Variants in MTA3 observed in about 807,000 individuals in gnomAD.
MTA3 encodes metastasis-associated protein MTA3.
In MTA3, 34 loss-of-function variants were observed where a neutral mutation model predicts 83.5. The ratio of observed to expected loss-of-function variants is 0.41; its 90% CI spans 0.31 to 0.54. The LOEUF (loss-of-function observed/expected upper bound fraction) is 0.54. Ranked by LOEUF, MTA3 falls within the 20% of genes least tolerant of loss-of-function variation. The pLI, the probability that MTA3 is intolerant of heterozygous loss-of-function variation, is 0.33. For synonymous variants in MTA3, 303 were observed against 252.7 expected, an observed-to-expected ratio of 1.20 and a Z score of -1.89; for missense variants, 761 against 726.4, an observed-to-expected ratio of 1.05 and a Z score of -0.55.
intron 2 of MTA3, among the ~76,000 whole-genome samples, chr2:42,574,424 C>A (rs757268430): frequency 6.6e-5 from 10 of 151,864 alleles, no homozygotes; most frequent in Non-Finnish European, 1.0e-4. Context: ...CCATGCCCGG[C>A]CTCCTTTTCT....
At chr2:42,697,540 T>A (rs1693497045) in intron 10 of MTA3, among the ~76,000 whole-genome samples, 1 of 152,208 alleles carries the variant, frequency 6.6e-6, no homozygotes, top group Non-Finnish European at 1.5e-5. Context: ...CTCATTGCTT[T>A]ATTTTTTTAA....
At chr2:42,596,611 T>C (rs1488161294) in intron 3 of MTA3, among the ~76,000 whole-genome samples, 1 of 152,206 alleles carries the variant, frequency 6.6e-6, no homozygotes, top group Non-Finnish European at 1.5e-5. Flanking sequence ...TTATATTTTT[T>C]GTGAACAAAG....
At chr2:42,633,711 GA>G (rs1390073059) in intron 4 of MTA3, among the ~76,000 whole-genome samples, 1 of 152,056 alleles carries the variant, frequency 6.6e-6, no homozygotes, top group Non-Finnish European at 1.5e-5. Flanking sequence ...CTAACACAGT[GA>G]AACCCCGTCT....
chr2:42,754,909 T>A lies in MTA3; in HGVS notation c.*1510T>A. ...GGGCGGTTTTGCAGACATCTCAGCT[T>A]CTTTTCTGAGGAGGAGTTGGTTCTC... is the stretch of plus-strand genomic sequence containing the variant. On this transcript the variant is annotated 3_prime_UTR_variant, in exon 17 of 17. Coordinates refer to ENST00000405094, the MANE Select transcript of MTA3 (RefSeq NM_001330442.2). 3.0e-6 allele frequency: 3 copies of A among 985,584 alleles called. No homozygotes were observed. Among genetic ancestry groups the A allele is most frequent in the Non-Finnish European group, 3.6e-6 (3 of 830,074 alleles). The allele number at this position is 985,584 out of a possible 1,614,324, so 61.1% of individuals were successfully genotyped here.
At chr2:42,548,815 A>ATATATATATATATAT (rs1676886736) in intron 2 of MTA3, among the ~76,000 whole-genome samples, 1 of 40,736 alleles carries the variant, frequency 2.5e-5, no homozygotes, top group South Asian at 1.0e-3. Context: ...AAAAAAATAT[A>ATATATATATATATAT]TATATATATA....
Position 42,754,382 on chromosome 2 carries a change from C to T in MTA3, c.*983C>T, listed in dbSNP as rs1014588026. 202 of 985,462 alleles carry T rather than the reference C, an allele frequency of 2.0e-4. 1 individual carries two copies. Among genetic ancestry groups the T allele is most frequent in the Middle Eastern group, 1.0e-3 (2 of 1,936 alleles). 61.0% of individuals were successfully genotyped at this position (985,462 alleles called of 1,614,324 possible). A position where few individuals can be genotyped will look rare whatever the true frequency, so the allele number is the denominator to read the frequency against. ...TGTGGCCAACCCCATGACCCCCACC[C>T]CTCCAGCCCAACATCTTGTGAGCAC... is the stretch of plus-strand genomic sequence containing the variant. On this transcript the variant is annotated 3_prime_UTR_variant, in exon 17 of 17. Coordinates refer to ENST00000405094, the MANE Select transcript of MTA3 (RefSeq NM_001330442.2).
intron 4 of MTA3, among the ~76,000 whole-genome samples, chr2:42,637,080 T>G (rs1687276805): frequency 6.6e-6 from 1 of 152,236 alleles, no homozygotes; most frequent in African/African-American, 2.4e-5. Flanking sequence ...CTGTTGAACG[T>G]GTGACTTTGT....
intron 16 of MTA3, among the ~76,000 whole-genome samples, chr2:42,724,117 A>G (rs534305236): frequency 6.6e-6 from 1 of 152,264 alleles, no homozygotes; most frequent in South Asian, 2.1e-4. Context: ...GAGTGTATCA[A>G]AGTGTGAAGA....
chr2:42,528,465 C>T (rs1466722048), intron 2 of MTA3, among the ~76,000 whole-genome samples: 2 of 152,286 alleles, frequency 1.3e-5, no homozygotes, highest in Admixed American at 6.5e-5. Context: ...AGTGATCCAC[C>T]CGCCTCGGCC....
chr2:42,727,971 C>T (rs1281514146), intron 16 of MTA3, among the ~76,000 whole-genome samples: 2 of 152,090 alleles, frequency 1.3e-5, no homozygotes, highest in African/African-American at 4.8e-5. Context: ...CAATTTTACT[C>T]TTTTAGTTAT....
chr2:42,724,742 C>T (rs1049713631), intron 16 of MTA3, among the ~76,000 whole-genome samples: 1 of 152,312 alleles, frequency 6.6e-6, no homozygotes, highest in Non-Finnish European at 1.5e-5. Flanking sequence ...GATCCCAGTC[C>T]TGGCCTGCAA....
chr2:42,655,419 C>T (rs759481128), intron 6 of MTA3, among the ~76,000 whole-genome samples: 4 of 152,104 alleles, frequency 2.6e-5, no homozygotes, highest in South Asian at 2.1e-4. Flanking sequence ...CTGGTGCATT[C>T]GTACCCTTTA....
At chr2:42,602,449 G>T (rs1312142710) in intron 3 of MTA3, among the ~76,000 whole-genome samples, 2 of 152,188 alleles carry the variant, frequency 1.3e-5, no homozygotes, top group Admixed American at 1.3e-4. Context: ...GAAGAAACTT[G>T]TCACAGAAAT....
intron 4 of MTA3, among the ~76,000 whole-genome samples, chr2:42,639,377 A>G (rs1687496365): frequency 6.6e-6 from 1 of 152,184 alleles, no homozygotes; most frequent in African/African-American, 2.4e-5. Flanking sequence ...TGTAACTTGA[A>G]TAATCTTCAA....
intron 4 of MTA3, among the ~76,000 whole-genome samples, chr2:42,616,059 C>G (rs1354259424): frequency 6.6e-6 from 1 of 151,430 alleles, no homozygotes; most frequent in Non-Finnish European, 1.5e-5. Flanking sequence ...CTAATAATCT[C>G]TTCTTTGTTT....
chr2:42,722,471 C>T (rs1443158972), intron 15 of MTA3, among the ~76,000 whole-genome samples: 2 of 152,142 alleles, frequency 1.3e-5, no homozygotes, highest in African/African-American at 4.8e-5. Context: ...AGAAAGTTCG[C>T]ATACGTGACA....
intron 6 of MTA3, among the ~76,000 whole-genome samples, chr2:42,651,184 C>T (rs981048481): frequency 6.6e-6 from 1 of 152,154 alleles, no homozygotes; most frequent in Non-Finnish European, 1.5e-5. Flanking sequence ...AAGTGGTGCA[C>T]CCACTGTGTA....
intron 5 of MTA3, among the ~76,000 whole-genome samples, chr2:42,641,216 T>C (rs940031684): frequency 6.6e-6 from 1 of 151,614 alleles, no homozygotes; most frequent in Non-Finnish European, 1.5e-5. Context: ...CGGTTTTTTT[T>C]TTTTTTTTTT....
chr2:42,583,929 C>T (rs1485520798), intron 3 of MTA3, among the ~76,000 whole-genome samples: 1 of 151,740 alleles, frequency 6.6e-6, no homozygotes, highest in Non-Finnish European at 1.5e-5. Context: ...ACGTAACCTC[C>T]ACCTCCCAGG....
Sources: gnomAD v4.1 joint callset for allele counts (sites outside exome capture counted in the v4.1 genomes callset) on GRCh38, gnomAD v4.1.1 for gene constraint, MANE v1.5 for transcripts, NCBI Gene and HGNC (gene_info 2026-07-23, HGNC 2026-07-21) for gene names.